Variants in STIMATE observed in about 807,000 individuals in gnomAD.
The protein encoded by STIMATE is store-operated calcium entry regulator STIMATE.
In STIMATE, 15 loss-of-function variants were observed where a neutral mutation model predicts 36.7. The observed-to-expected ratio is 0.41, with a 90% CI of 0.27 to 0.63. The LOEUF (loss-of-function observed/expected upper bound fraction) is 0.63, where lower values mean the gene tolerates loss of function less well. STIMATE is among the 20% of genes least tolerant of loss of function. The pLI is 0.32. For missense variants in STIMATE, 305 were observed against 397.3 expected, an observed-to-expected ratio of 0.77 and a Z score of 1.98; for synonymous variants, 163 against 162.3, an observed-to-expected ratio of 1.00 and a Z score of -0.03.
intron 1 of STIMATE, among the ~76,000 whole-genome samples, chr3:52,879,263 C>T (rs3796352): frequency 0.066 from 10,109 of 152,268 alleles, 421 homozygotes; most frequent in Non-Finnish European, 0.094. Flanking sequence ...CCCAGGCCTA[C>T]GAGTCAGGTG....
intron 1 of STIMATE, among the ~76,000 whole-genome samples, chr3:52,894,791 AG>A (rs1701837459): frequency 6.6e-6 from 1 of 152,222 alleles, no homozygotes; most frequent in Admixed American, 6.5e-5. Context: ...TCCAGAAGAC[AG>A]GCAGTGAGCC....
intron 1 of STIMATE, among the ~76,000 whole-genome samples, chr3:52,878,924 G>C (rs530249035): frequency 3.3e-5 from 5 of 152,330 alleles, no homozygotes; most frequent in African/African-American, 1.2e-4. Context: ...TCCAACGGCA[G>C]TGCAAGTGCA....
intron 1 of STIMATE, among the ~76,000 whole-genome samples, chr3:52,869,682 C>T (rs1416373203): frequency 6.6e-6 from 1 of 152,232 alleles, no homozygotes; most frequent in Non-Finnish European, 1.5e-5. Flanking sequence ...TATTTATACC[C>T]TTGGCACCCA....
At position 52,873,798 on chromosome 3, in the gene STIMATE, G is replaced by A. The variant is rs925436042; in HGVS notation, c.161-18354C>T. On this transcript the variant is annotated intron_variant, in intron 1 of 7. Transcript: ENST00000355083. ...CAAGAATAATGGGGCTGTCCTGGAA[G>A]GACCCTACCCTGTGAGCCAGTATCC... Among the ~76,000 whole-genome samples the A allele has an allele frequency of 5.9e-5, 9 of 152,192 alleles. No individual in the cohort carries two copies. In the South Asian group the frequency reaches 1.2e-3, roughly 21 times the overall value.
chr3:52,874,941 C>T (rs1361036956), intron 1 of STIMATE, among the ~76,000 whole-genome samples: 1 of 152,184 alleles, frequency 6.6e-6, no homozygotes, highest in Non-Finnish European at 1.5e-5. Context: ...TAATTAAAAA[C>T]CTTCCTCAAA....
At position 52,840,381 on chromosome 3, in the gene STIMATE, G is replaced by A; in HGVS notation, c.*113C>T. On this transcript the variant is annotated 3_prime_UTR_variant, in exon 8 of 8. Coordinates refer to ENST00000355083, the MANE Select transcript of STIMATE (RefSeq NM_198563.5). ...GCGAGAGCGGGCAGAGACAGCAAGA[G>A]GAGCAGAGGTAGAAAGGAAGGGCAG... The A allele has an allele frequency of 8.3e-7, 1 of 1,202,702 alleles. No individual in the cohort carries two copies. The highest frequency in any genetic ancestry group is 1.2e-6 in the Non-Finnish European group (1 of 850,612). 74.5% of individuals were successfully genotyped at this position (1,202,702 alleles called of 1,614,324 possible). A position where few individuals can be genotyped will look rare whatever the true frequency, so the allele number is the denominator to read the frequency against.
intron 1 of STIMATE, among the ~76,000 whole-genome samples, chr3:52,893,816 C>T (rs776617430): frequency 1.3e-5 from 2 of 152,208 alleles, no homozygotes; most frequent in Admixed American, 6.5e-5. Context: ...TTATTAAAAA[C>T]CAATTCTGTC....
At chr3:52,896,877 G>A (rs1218044711) in intron 1 of STIMATE, among the ~76,000 whole-genome samples, 2 of 152,306 alleles carry the variant, frequency 1.3e-5, no homozygotes, top group Non-Finnish European at 2.9e-5. Flanking sequence ...AAGAGTGAAG[G>A]GGCAGAAAAG....
chr3:52,897,269 G>A (rs946129519), intron 1 of STIMATE, 22 bp downstream of exon 1: 1 of 1,536,204 alleles, frequency 6.5e-7, no homozygotes, highest in African/African-American at 1.4e-5. Flanking sequence ...GCCTCCGGAG[G>A]GTCGGGGGGT....
At chr3:52,869,150 T>C (rs1208405172) in intron 1 of STIMATE, among the ~76,000 whole-genome samples, 1 of 152,124 alleles carries the variant, frequency 6.6e-6, no homozygotes, top group Non-Finnish European at 1.5e-5. Flanking sequence ...ATCCCTCAAG[T>C]TGGGAGAAAA....
In STIMATE at chr3:52,897,298, C is replaced by T; in HGVS notation, c.153G>A (p.Thr51=). The change falls in exon 1 of 8, where the codon ACG becomes ACA. Residue 51 remains threonine (T), a synonymous_variant. Transcript: ENST00000355083. ...QGLLGVVAFS[T]LMLKRFREPK... ...GGGGGGTCCCAGACTCACGCATTAA[C>T]GTGCTGAAGGCCACGACGCCGAGCA... 6.4e-7 allele frequency: 1 copy of T among 1,551,694 alleles called. No homozygotes were observed. Among genetic ancestry groups the T allele is most frequent in the Non-Finnish European group, 8.6e-7 (1 of 1,156,198 alleles).
At chr3:52,841,643 C>T (rs1348262860) in intron 7 of STIMATE, 4 of 152,502 alleles carry the variant, frequency 2.6e-5, no homozygotes, top group African/African-American at 9.7e-5. Flanking sequence ...GCGGGGCTTC[C>T]TGCCTCTAGT....
At chr3:52,858,111 GA>G (rs1701140871) in intron 1 of STIMATE, among the ~76,000 whole-genome samples, 1 of 152,146 alleles carries the variant, frequency 6.6e-6, no homozygotes, top group Non-Finnish European at 1.5e-5. Flanking sequence ...CCAGCTTCCA[GA>G]AACTGTGAGA....
rs1164855178 is a variant in STIMATE at position 52,838,613 on chromosome 3, G to A, written c.*1881C>T. 1 of 152,210 alleles carries A rather than the reference G, an allele frequency of 6.6e-6. No individual in the cohort carries two copies. The highest frequency in any genetic ancestry group is 2.4e-5 in the African/African-American group (1 of 41,450). 9.4% of individuals were successfully genotyped at this position (152,210 alleles called of 1,614,324 possible). ...AGGGAGCACAAAGTCAATCCGAGCA[G>A]GAATGACACCAGCAAAGTTGCCTCC... On this transcript the variant is annotated 3_prime_UTR_variant, in exon 8 of 8. Transcript: ENST00000355083.
chr3:52,895,911 G>A (rs762775231), intron 1 of STIMATE: 41 of 1,289,692 alleles, frequency 3.2e-5, no homozygotes, highest in South Asian at 3.7e-5. Flanking sequence ...CAGTACATGC[G>A]CCCAAGTCAG....
chr3:52,892,172 C>T (rs537843359), intron 1 of STIMATE, among the ~76,000 whole-genome samples: 1 of 152,310 alleles, frequency 6.6e-6, no homozygotes, highest in South Asian at 2.1e-4. Flanking sequence ...GCAGCAGAAG[C>T]ATGAGAGGCC....
chr3:52,888,303 ATGCT>A (rs1559499847), intron 1 of STIMATE, among the ~76,000 whole-genome samples: 1 of 152,176 alleles, frequency 6.6e-6, no homozygotes, highest in African/African-American at 2.4e-5. Context: ...GGTCAGTAAC[ATGCT>A]TGCTTAAATG....
At chr3:52,858,313 C>T (rs1252475270) in intron 1 of STIMATE, among the ~76,000 whole-genome samples, 1 of 151,982 alleles carries the variant, frequency 6.6e-6, no homozygotes, top group African/African-American at 2.4e-5. Flanking sequence ...GAAAAACATC[C>T]CAGAAGAATG....
chr3:52,885,883 G>A (rs937024796), intron 1 of STIMATE, among the ~76,000 whole-genome samples: 1 of 152,210 alleles, frequency 6.6e-6, no homozygotes, highest in South Asian at 2.1e-4. Context: ...TCACTGTCTT[G>A]ATGCCTGCTG....
Sources: gnomAD v4.1 joint callset for allele counts (sites outside exome capture counted in the v4.1 genomes callset) on GRCh38, gnomAD v4.1.1 for gene constraint, MANE v1.5 for transcripts, NCBI Gene and HGNC (gene_info 2026-07-23, HGNC 2026-07-21) for gene names.